The following NCOA2 variants were observed in gnomAD, a reference collection of about 807,000 sequenced individuals.
The protein encoded by NCOA2 is class E basic helix-loop-helix protein 75.
A neutral mutation model predicts 145.1 loss-of-function variants in NCOA2; 21 were observed. The observed-to-expected ratio is 0.14, with a 90% CI of 0.10 to 0.21. NCOA2 has a LOEUF of 0.21. Among genes scored for constraint, NCOA2 ranks in the 10% least tolerant of loss-of-function variants. The probability of loss-of-function intolerance (pLI) is 1.00; values close to 1 mark genes in which losing one functional copy is unlikely to be tolerated. For synonymous variants in NCOA2, 619 were observed against 637.5 expected (o/e 0.97, Z 0.44); for missense variants, 1,472 against 1,837.6 (o/e 0.80, Z 3.64).
At chr8:70,409,611 T>C in the NCOA2 span, among the ~76,000 whole-genome samples, 167 of 152,326 alleles carry the variant, frequency 1.1e-3, no homozygotes, top group Middle Eastern at 6.8e-3. Flanking sequence ...CAGCCATCCT[T>C]GTATTCCAAG....
At chr8:70,421,545 G>A in the NCOA2 span, among the ~76,000 whole-genome samples, 1 of 152,102 alleles carries the variant, frequency 6.6e-6, no homozygotes. Flanking sequence ...GTAACAGAGT[G>A]AGATCCTGTC....
chr8:70,213,935 GTTTCT>G lies in NCOA2; in HGVS notation c.222_226del (p.Lys74AsnfsTer21). The G allele has an allele frequency of 6.2e-7, 1 of 1,605,788 alleles. No individual in the cohort carries two copies. Among genetic ancestry groups the G allele is most frequent in the Non-Finnish European group, 8.5e-7 (1 of 1,176,238 alleles). On this transcript the variant is annotated frameshift_variant, in exon 4 of 23. Transcript: ENST00000452400. LOFTEE classifies it high-confidence loss of function. Reference sequence around the variant, plus strand: ...TTTGATCTGACGAATTTGCTTCACAGTTTCTTTTAAGATTGCACATTTGTCAGGTT... The same window carrying G: ...TTTGATCTGACGAATTTGCTTCACAGTTTAAGATTGCACATTTGTCAGGTT...
Position 70,218,407 on chromosome 8 carries a change from G to GA in NCOA2, c.-19-1644dup, listed in dbSNP as rs778677832. Among the ~76,000 whole-genome samples, 9 of 152,162 alleles carry GA rather than the reference G, an allele frequency of 5.9e-5. No individual in the cohort carries two copies. The East Asian group carries it at 1.5e-3, about 26-fold the overall frequency. On this transcript the variant is annotated intron_variant, in intron 2 of 22. Coordinates refer to ENST00000452400, the MANE Select transcript of NCOA2 (RefSeq NM_006540.4). ...CACACTGTGGTCACAATTTTGGCCT[G>GA]ATAATAAGTATAATCTGTATTTATT...
the NCOA2 span, among the ~76,000 whole-genome samples, chr8:70,435,316 T>G: frequency 6.9e-6 from 1 of 144,656 alleles, no homozygotes; most frequent in Non-Finnish European, 1.5e-5. Context: ...TCCCAGCTAC[T>G]CGGGAGGCTG....
rs1271917545 is a variant in NCOA2 at position 70,110,147 on chromosome 8, A to G, written c.*3485T>C. On this transcript the variant is annotated 3_prime_UTR_variant, in exon 23 of 23. Coordinates refer to ENST00000452400, the MANE Select transcript of NCOA2 (RefSeq NM_006540.4). ...GATGCAACTTCATGAGGAACTGTAC[A>G]AATAAAACTCACAAATGACAAAGGA... is the stretch of plus-strand genomic sequence containing the variant. 1 of 201,254 alleles carries G rather than the reference A, an allele frequency of 5.0e-6. No individual in the cohort carries two copies. The highest frequency in any genetic ancestry group is 1.0e-5 in the Non-Finnish European group (1 of 97,846). The allele number at this position is 201,254 out of a possible 1,614,324, so 12.5% of individuals were successfully genotyped here. A position where few individuals can be genotyped will look rare whatever the true frequency, so the allele number is the denominator to read the frequency against.
At chr8:70,141,817 T>C (rs1397169289) in intron 13 of NCOA2, among the ~76,000 whole-genome samples, 1 of 152,174 alleles carries the variant, frequency 6.6e-6, no homozygotes, top group African/African-American at 2.4e-5. Flanking sequence ...TAAACGATAA[T>C]CATAGAAGAT....
At chr8:70,277,306 T>C (rs1217794644) in intron 2 of NCOA2, among the ~76,000 whole-genome samples, 1 of 152,212 alleles carries the variant, frequency 6.6e-6, no homozygotes, top group Non-Finnish European at 1.5e-5. Context: ...AACTTTACTA[T>C]ACATTACTAC....
At chr8:70,401,702 T>A (rs139525759) in intron 1 of NCOA2, 35 of 152,348 alleles carry the variant, frequency 2.3e-4, no homozygotes, top group African/African-American at 7.2e-4. Context: ...CATGCCTTCA[T>A]TCTCAGGGTT....
upstream of NCOA2, among the ~76,000 whole-genome samples, chr8:70,407,090 C>T (rs1444495060): frequency 3.3e-5 from 5 of 152,170 alleles, no homozygotes; most frequent in Non-Finnish European, 7.3e-5. Context: ...ATATGTAGCA[C>T]AGTTATCTCT....
intron 4 of NCOA2, among the ~76,000 whole-genome samples, chr8:70,183,521 G>A (rs557502548): frequency 3.3e-5 from 5 of 152,202 alleles, no homozygotes; most frequent in Admixed American, 6.5e-5. Flanking sequence ...GTTTATTAGC[G>A]CAGTAAACCT....
chr8:70,399,640 TAGC>T (rs941758856), intron 1 of NCOA2, among the ~76,000 whole-genome samples: 10 of 152,254 alleles, frequency 6.6e-5, no homozygotes, highest in Non-Finnish European at 5.9e-5. Context: ...ATTTCTTAAA[TAGC>T]AGTTTTTTCA....
At chr8:70,421,279 G>A in the NCOA2 span, among the ~76,000 whole-genome samples, 3 of 151,984 alleles carry the variant, frequency 2.0e-5, no homozygotes, top group African/African-American at 7.3e-5. Context: ...ATCTTGACAC[G>A]GTGGCTCACG....
Position 70,338,104 on chromosome 8 carries a change from G to C in NCOA2, c.-76-41304C>G, listed in dbSNP as rs116100793. Among the ~76,000 whole-genome samples, 1,409 of 151,360 alleles carry C rather than the reference G, an allele frequency of 9.3e-3. 22 individuals are homozygous for C. Among genetic ancestry groups the C allele is most frequent in the African/African-American group, 0.032 (1,312 of 41,154 alleles). ...AACCAAGATCAGAGCTCAATTGAAGGAGATAGAGACACAAAAAAACCCTTA... is the reference window on the plus strand; with the variant it reads ...AACCAAGATCAGAGCTCAATTGAAGCAGATAGAGACACAAAAAAACCCTTA... On this transcript the variant is annotated intron_variant, in intron 1 of 22. Coordinates refer to ENST00000452400, the MANE Select transcript of NCOA2 (RefSeq NM_006540.4).
chr8:70,313,366 C>A (rs1034224713), intron 1 of NCOA2, among the ~76,000 whole-genome samples: 1 of 152,086 alleles, frequency 6.6e-6, no homozygotes, highest in African/African-American at 2.4e-5. Flanking sequence ...TAATGTTTAG[C>A]AAGTCCAAAA....
At chr8:70,364,404 G>C (rs1810488277) in intron 1 of NCOA2, among the ~76,000 whole-genome samples, 1 of 152,166 alleles carries the variant, frequency 6.6e-6, no homozygotes, top group Non-Finnish European at 1.5e-5. Flanking sequence ...TAATTTGATG[G>C]TAACACCAGC....
chr8:70,178,295 G>C (rs1234957452), intron 4 of NCOA2, among the ~76,000 whole-genome samples: 2 of 152,216 alleles, frequency 1.3e-5, no homozygotes, highest in African/African-American at 4.8e-5. Flanking sequence ...TTTAAATTGG[G>C]AGATGATTTG....
chr8:70,439,279 A>T, the NCOA2 span, among the ~76,000 whole-genome samples: 1 of 152,208 alleles, frequency 6.6e-6, no homozygotes, highest in Non-Finnish European at 1.5e-5. Flanking sequence ...GCCCTGAAGG[A>T]ACTCACAGAG....
At chr8:70,396,366 T>C (rs1336027206) in intron 1 of NCOA2, among the ~76,000 whole-genome samples, 2 of 152,222 alleles carry the variant, frequency 1.3e-5, no homozygotes, top group African/African-American at 4.8e-5. Context: ...CTGAATATGC[T>C]CTTGCAAAAT....
At chr8:70,370,692 G>A (rs1157661378) in intron 1 of NCOA2, among the ~76,000 whole-genome samples, 4 of 151,678 alleles carry the variant, frequency 2.6e-5, no homozygotes, top group African/African-American at 4.8e-5. Flanking sequence ...CTCCACGTAC[G>A]TTATTTATTC....
Sources: gnomAD v4.1 joint callset for allele counts (sites outside exome capture counted in the v4.1 genomes callset) on GRCh38, gnomAD v4.1.1 for gene constraint, MANE v1.5 for transcripts, NCBI Gene and HGNC (gene_info 2026-07-23, HGNC 2026-07-21) for gene names.